The following CNTN4 variants were observed in gnomAD, a reference collection of about 807,000 sequenced individuals.
The protein encoded by CNTN4 is contactin-4.
A neutral mutation model predicts 122.5 loss-of-function variants in CNTN4; 77 were observed. The ratio of observed to expected loss-of-function variants is 0.63; its 90% confidence interval spans 0.52 to 0.76. CNTN4 has a LOEUF of 0.76. CNTN4 is among the 30% of genes least tolerant of loss of function. CNTN4 has a pLI of 0.00. For synonymous variants in CNTN4, 512 were observed against 447.0 expected (o/e 1.15, Z -1.83); for missense variants, 1,256 against 1,259.1 (o/e 1.00, Z 0.04).
intron 2 of CNTN4, among the ~76,000 whole-genome samples, chr3:2,279,339 T>C (rs958541714): frequency 2.0e-5 from 3 of 152,198 alleles, no homozygotes; most frequent in African/African-American, 7.2e-5. Flanking sequence ...TCAGTTGTTA[T>C]ATGCCCTGGG....
chr3:2,768,635 C>G (rs1423065815), intron 6 of CNTN4, among the ~76,000 whole-genome samples: 1 of 152,160 alleles, frequency 6.6e-6, no homozygotes, highest in African/African-American at 2.4e-5. Context: ...AACATTTCCT[C>G]AGGAAATTGT....
At chr3:2,853,143 A>G (rs1308882616) in intron 7 of CNTN4, among the ~76,000 whole-genome samples, 2 of 152,112 alleles carry the variant, frequency 1.3e-5, no homozygotes, top group African/African-American at 2.4e-5. Context: ...TTTATATTAT[A>G]TTAAGAAATT....
intron 4 of CNTN4, among the ~76,000 whole-genome samples, chr3:2,726,051 C>T (rs1264628756): frequency 6.6e-6 from 1 of 152,122 alleles, no homozygotes; most frequent in Non-Finnish European, 1.5e-5. Context: ...GAACTTGTTC[C>T]AGAGCTGAAA....
chr3:3,044,182 C>T (rs1049391756), intron 23 of CNTN4, among the ~76,000 whole-genome samples: 2 of 152,118 alleles, frequency 1.3e-5, no homozygotes, highest in African/African-American at 4.8e-5. Flanking sequence ...TGCCTGACCC[C>T]ATAAATGTTG....
chr3:2,356,775 A>T (rs2044891849), intron 3 of CNTN4, among the ~76,000 whole-genome samples: 1 of 152,174 alleles, frequency 6.6e-6, no homozygotes, highest in Admixed American at 6.5e-5. Context: ...GTCTTTTTTC[A>T]GCTCTGGTCA....
At chr3:2,301,526 C>A (rs746946174) in intron 2 of CNTN4, among the ~76,000 whole-genome samples, 1 of 152,198 alleles carries the variant, frequency 6.6e-6, no homozygotes, top group Non-Finnish European at 1.5e-5. Context: ...TGTTCTTTTT[C>A]ATACCAGAGG....
chr3:2,325,850 T>G (rs537669278), intron 2 of CNTN4, among the ~76,000 whole-genome samples: 2 of 152,310 alleles, frequency 1.3e-5, no homozygotes, highest in South Asian at 4.1e-4. Context: ...TAAAAATACC[T>G]AATTAGAGGT....
intron 4 of CNTN4, among the ~76,000 whole-genome samples, chr3:2,655,819 G>A (rs1469656241): frequency 1.3e-5 from 2 of 152,024 alleles, no homozygotes; most frequent in African/African-American, 4.8e-5. Flanking sequence ...AATCACTGCG[G>A]GATTACCAAG....
intron 14 of CNTN4, among the ~76,000 whole-genome samples, chr3:3,004,687 T>C (rs1044060319): frequency 6.6e-6 from 1 of 152,232 alleles, no homozygotes; most frequent in Non-Finnish European, 1.5e-5. Flanking sequence ...GTTTTAACCT[T>C]AATCAGCACA....
chr3:2,650,839 A>G (rs369769709), intron 4 of CNTN4, among the ~76,000 whole-genome samples: 32 of 152,346 alleles, frequency 2.1e-4, no homozygotes, highest in African/African-American at 6.7e-4. Flanking sequence ...CTTGTATGCA[A>G]TGGAAAACCA....
chr3:2,781,965 C>A (rs11706472), intron 6 of CNTN4, among the ~76,000 whole-genome samples: 15 of 150,014 alleles, frequency 1.0e-4, no homozygotes, highest in African/African-American at 3.7e-4. Context: ...CCTCGTGATC[C>A]CCCCGCCTCG....
chr3:3,020,155 C>T (rs1171404878), intron 14 of CNTN4, among the ~76,000 whole-genome samples: 1 of 151,998 alleles, frequency 6.6e-6, no homozygotes, highest in African/African-American at 2.4e-5. Flanking sequence ...AATATAGCTT[C>T]CTGATTTATA....
intron 12 of CNTN4, among the ~76,000 whole-genome samples, chr3:2,917,563 T>C (rs977338744): frequency 6.6e-6 from 1 of 152,164 alleles, no homozygotes; most frequent in African/African-American, 2.4e-5. Flanking sequence ...ACATTTTCAG[T>C]GGCAAAAAGT....
chr3:2,331,981 G>A (rs1292002874), intron 2 of CNTN4, among the ~76,000 whole-genome samples: 4 of 152,260 alleles, frequency 2.6e-5, no homozygotes, highest in South Asian at 4.1e-4. Flanking sequence ...GCCTTTCTCC[G>A]TGGTAAGTAA....
chr3:2,141,496 G>A (rs1364399679), intron 2 of CNTN4, among the ~76,000 whole-genome samples: 1 of 152,126 alleles, frequency 6.6e-6, no homozygotes, highest in Non-Finnish European at 1.5e-5. Context: ...AGTCTTAATT[G>A]TAGCCCAGTG....
rs1320584939 is a variant in CNTN4 at position 2,452,641 on chromosome 3, T to C, written c.-89+113408T>C. 2.6e-5 allele frequency among the ~76,000 whole-genome samples: 4 copies of C among 152,300 alleles called. No homozygotes were observed. The East Asian group carries it at 5.8e-4, about 22-fold the overall frequency. On this transcript the variant is annotated intron_variant, in intron 3 of 24. Coordinates refer to ENST00000418658, the MANE Select transcript of CNTN4 (RefSeq NM_175607.3). ...AGTGCTGTATTTTTTGCTGAATTGG[T>C]ATTTATCTTTAATGAATGCCAGGCT...
intron 2 of CNTN4, among the ~76,000 whole-genome samples, chr3:2,330,799 G>C (rs949337000): frequency 1.3e-5 from 2 of 152,120 alleles, no homozygotes; most frequent in East Asian, 3.9e-4. Context: ...GCTGTTTTCT[G>C]TGACCTGTGC....
intron 3 of CNTN4, among the ~76,000 whole-genome samples, chr3:2,439,521 A>G (rs754879201): frequency 1.3e-5 from 2 of 152,106 alleles, no homozygotes; most frequent in Non-Finnish European, 2.9e-5. Flanking sequence ...TGAAAGAACT[A>G]TAGAGAGATA....
chr3:2,872,935 T>C (rs1036936040), intron 8 of CNTN4, among the ~76,000 whole-genome samples: 36 of 152,206 alleles, frequency 2.4e-4, no homozygotes, highest in African/African-American at 8.7e-4. Flanking sequence ...TCACTCATTT[T>C]TCACAGCCTA....
Sources: gnomAD v4.1 joint callset for allele counts (sites outside exome capture counted in the v4.1 genomes callset) on GRCh38, gnomAD v4.1.1 for gene constraint, MANE v1.5 for transcripts, NCBI Gene and HGNC (gene_info 2026-07-23, HGNC 2026-07-21) for gene names.